The following LHFPL6 variants were observed in gnomAD, a reference collection of about 807,000 sequenced individuals.
The protein encoded by LHFPL6 is LHFPL tetraspan subfamily member 6, also known as LHFPL tetraspan subfamily member 6 protein.
LHFPL6 carries 9 observed loss-of-function variants against 20.6 expected under a neutral mutation model. The ratio of observed to expected loss-of-function variants is 0.44; its 90% confidence interval spans 0.26 to 0.76. The LOEUF (loss-of-function observed/expected upper bound fraction) is 0.76. Ranked by LOEUF, LHFPL6 falls within the 30% of genes least tolerant of loss-of-function variation. The pLI is 0.20. For missense variants in LHFPL6, 218 were observed against 253.5 expected (o/e 0.86, Z 0.95); for synonymous variants, 105 against 98.7 (o/e 1.06, Z -0.38).
At chr13:39,594,103 A>T (rs988033971) in intron 2 of LHFPL6, among the ~76,000 whole-genome samples, 4 of 152,276 alleles carry the variant, frequency 2.6e-5, no homozygotes, top group African/African-American at 9.6e-5. Flanking sequence ...AACAAAAGCC[A>T]AAATTGACAA....
intron 2 of LHFPL6, among the ~76,000 whole-genome samples, chr13:39,589,265 C>A (rs978345943): frequency 1.3e-5 from 2 of 152,072 alleles, no homozygotes; most frequent in African/African-American, 2.4e-5. Context: ...TGCCACCACA[C>A]CTGGCTAATT....
At chr13:39,400,401 C>A (rs1264842540) in intron 2 of LHFPL6, among the ~76,000 whole-genome samples, 1 of 152,206 alleles carries the variant, frequency 6.6e-6, no homozygotes, top group Admixed American at 6.5e-5. Flanking sequence ...CTAGTCAACA[C>A]AGATGGGAGA....
intron 2 of LHFPL6, among the ~76,000 whole-genome samples, chr13:39,545,067 C>T (rs1470433496): frequency 1.3e-5 from 2 of 151,388 alleles, no homozygotes; most frequent in African/African-American, 2.4e-5. Context: ...ATGGTGAAAC[C>T]CCTGTCTCTA....
At chr13:39,529,774 G>A (rs34893713) in intron 2 of LHFPL6, among the ~76,000 whole-genome samples, 69,074 of 152,024 alleles carry the variant, frequency 0.45, 15,956 homozygotes, top group Middle Eastern at 0.6. Flanking sequence ...CCAATTTACT[G>A]AGCTGTTTGT....
At chr13:39,574,482 CAAA>C (rs796821570) in intron 2 of LHFPL6, among the ~76,000 whole-genome samples, 7 of 59,970 alleles carry the variant, frequency 1.2e-4, no homozygotes, top group Admixed American at 1.9e-4. Flanking sequence ...GACTCCGTCT[CAAA>C]AAAAAAAAAA....
intron 2 of LHFPL6, among the ~76,000 whole-genome samples, chr13:39,560,760 C>A (rs1175115296): frequency 6.6e-6 from 1 of 152,098 alleles, no homozygotes; most frequent in African/African-American, 2.4e-5. Context: ...CATGATCCGC[C>A]CACCTCGGCC....
intron 3 of LHFPL6, among the ~76,000 whole-genome samples, chr13:39,347,400 G>A (rs1399784556): frequency 2.6e-5 from 4 of 152,186 alleles, no homozygotes; most frequent in Non-Finnish European, 4.4e-5. Context: ...GAAGCAAACC[G>A]GGCAGGCAGC....
At chr13:39,516,090 G>A (rs573121688) in intron 2 of LHFPL6, among the ~76,000 whole-genome samples, 9 of 152,102 alleles carry the variant, frequency 5.9e-5, no homozygotes, top group South Asian at 2.1e-4. Flanking sequence ...GGCTAATTAC[G>A]AGTTCCTATT....
intron 2 of LHFPL6, among the ~76,000 whole-genome samples, chr13:39,437,076 T>C (rs1315644224): frequency 1.3e-5 from 2 of 152,246 alleles, no homozygotes; most frequent in Non-Finnish European, 2.9e-5. Context: ...TTCTGGTAGA[T>C]GGTAAGTGCT....
chr13:39,358,542 G>GAC (rs1310010505), intron 3 of LHFPL6, among the ~76,000 whole-genome samples: 12 of 152,054 alleles, frequency 7.9e-5, no homozygotes, highest in Admixed American at 7.9e-4. Context: ...CAACATGTGG[G>GAC]ACCTTATTAA....
chr13:39,420,795 C>G (rs1331088013), intron 2 of LHFPL6, among the ~76,000 whole-genome samples: 1 of 152,156 alleles, frequency 6.6e-6, no homozygotes, highest in Non-Finnish European at 1.5e-5. Flanking sequence ...CAAACAACAA[C>G]AGTAGCAAGA....
chr13:39,562,161 T>C (rs1871503348), intron 2 of LHFPL6, among the ~76,000 whole-genome samples: 1 of 152,050 alleles, frequency 6.6e-6, no homozygotes, highest in South Asian at 2.1e-4. Flanking sequence ...AGGAAGTGAA[T>C]GTACCCTTTC....
At chr13:39,414,721 CATG>C (rs1871307816) in intron 2 of LHFPL6, among the ~76,000 whole-genome samples, 1 of 152,168 alleles carries the variant, frequency 6.6e-6, no homozygotes, top group South Asian at 2.1e-4. Flanking sequence ...GGATAGAAGG[CATG>C]ATAACACCAA....
intron 2 of LHFPL6, among the ~76,000 whole-genome samples, chr13:39,513,019 T>C (rs1593343627): frequency 6.6e-6 from 1 of 152,364 alleles, no homozygotes; most frequent in South Asian, 2.1e-4. Context: ...ATCCTCTCCA[T>C]TTGCTAGCTG....
intron 2 of LHFPL6, among the ~76,000 whole-genome samples, chr13:39,534,915 A>T (rs1870569406): frequency 6.6e-6 from 1 of 152,206 alleles, no homozygotes; most frequent in South Asian, 2.1e-4. Context: ...TGGGTGTTTT[A>T]AAACAACAAA....
intron 2 of LHFPL6, among the ~76,000 whole-genome samples, chr13:39,524,166 C>T (rs1302229851): frequency 6.6e-6 from 1 of 152,116 alleles, no homozygotes; most frequent in East Asian, 1.9e-4. Flanking sequence ...TGCCACTGCG[C>T]TCAAGAAGTA....
chr13:39,581,396 A>ATTTAAAAT lies in LHFPL6; in HGVS notation c.385+19435_385+19436insATTTTAAA, dbSNP rs1872277273. ...GAAACCTACTGAGCACCAAGGGCACAGACAGCCAAATTGAATTTTAAATGT... is the reference window on the plus strand; with the variant it reads ...GAAACCTACTGAGCACCAAGGGCACATTTAAAATGACAGCCAAATTGAATTTTAAATGT... On this transcript the variant is annotated intron_variant, in intron 2 of 3. Coordinates refer to ENST00000379589, the MANE Select transcript of LHFPL6 (RefSeq NM_005780.3). Among the ~76,000 whole-genome samples, 4 of 152,196 alleles carry ATTTAAAAT rather than the reference A, an allele frequency of 2.6e-5. No individual in the cohort carries two copies. The South Asian group carries it at 6.2e-4, about 24-fold the overall frequency.
chr13:39,487,538 C>A (rs115221097), intron 2 of LHFPL6, among the ~76,000 whole-genome samples: 2 of 152,170 alleles, frequency 1.3e-5, no homozygotes, highest in Admixed American at 1.3e-4. Context: ...AGTGTTCTTA[C>A]GAATTAATCA....
intron 3 of LHFPL6, among the ~76,000 whole-genome samples, chr13:39,372,652 C>T (rs975562793): frequency 2.0e-5 from 3 of 152,182 alleles, no homozygotes; most frequent in Admixed American, 6.5e-5. Flanking sequence ...GAGAATCAAT[C>T]GGATTATAAG....
Sources: gnomAD v4.1 joint callset for allele counts (sites outside exome capture counted in the v4.1 genomes callset) on GRCh38, gnomAD v4.1.1 for gene constraint, MANE v1.5 for transcripts, NCBI Gene and HGNC (gene_info 2026-07-23, HGNC 2026-07-21) for gene names.